ARHGEF7: variants seen among roughly 807,000 people sequenced by gnomAD.
The protein encoded by ARHGEF7 is PAK-interacting exchange factor beta.
In ARHGEF7, 33 loss-of-function variants were observed where a neutral mutation model predicts 109.8. That is an observed-to-expected ratio of 0.30 (90% CI 0.23 to 0.40). The LOEUF (loss-of-function observed/expected upper bound fraction) is 0.40. Among genes scored for constraint, ARHGEF7 ranks in the 10% least tolerant of loss-of-function variants. The pLI, the probability that ARHGEF7 is intolerant of heterozygous loss-of-function variation, is 1.00. For missense variants in ARHGEF7, 938 were observed against 1,098.5 expected, an observed-to-expected ratio of 0.85 and a Z score of 2.07; for synonymous variants, 458 against 424.6, an observed-to-expected ratio of 1.08 and a Z score of -0.97.
At chr13:111,244,482 C>A (rs2088410661) in intron 8 of ARHGEF7, among the ~76,000 whole-genome samples, 188 bp downstream of exon 8, 2 of 152,174 alleles carry the variant, frequency 1.3e-5, no homozygotes, top group South Asian at 4.1e-4. Context: ...TAGCAGGAAT[C>A]TTCAGAGAAA....
chr13:111,203,464 G>C (rs1033481585), intron 2 of ARHGEF7, among the ~76,000 whole-genome samples: 2 of 152,178 alleles, frequency 1.3e-5, no homozygotes, highest in African/African-American at 4.8e-5. Flanking sequence ...CTGTTCTAAG[G>C]ACTGTTTTTT....
chr13:111,153,576 G>T, intron 1 of ARHGEF7: 1 of 1,069,578 alleles, frequency 9.3e-7, no homozygotes, highest in Non-Finnish European at 1.1e-6. Flanking sequence ...GGCTGCGTCC[G>T]CGGGGGCGAA....
At chr13:111,278,548 C>T (rs930623771) in intron 13 of ARHGEF7, among the ~76,000 whole-genome samples, 2 of 152,138 alleles carry the variant, frequency 1.3e-5, no homozygotes, top group Non-Finnish European at 1.5e-5. Context: ...TGTGGCCATA[C>T]GCTTACACCA....
intron 1 of ARHGEF7, among the ~76,000 whole-genome samples, chr13:111,124,670 C>G (rs866810224): frequency 4.3e-4 from 66 of 152,334 alleles, no homozygotes; most frequent in African/African-American, 1.2e-3. Context: ...TGGGATGGGA[C>G]CTTCTAGTCT....
chr13:111,139,921 A>G (rs2075271264), intron 1 of ARHGEF7, among the ~76,000 whole-genome samples: 1 of 152,226 alleles, frequency 6.6e-6, no homozygotes. Flanking sequence ...TGAAACTTTT[A>G]AGGTAAAACT....
At chr13:111,205,843 T>C (rs2081764269) in intron 3 of ARHGEF7, among the ~76,000 whole-genome samples, 1 of 152,186 alleles carries the variant, frequency 6.6e-6, no homozygotes, top group South Asian at 2.1e-4. Context: ...GGCACCCAGG[T>C]ACATGGTGTG....
intron 1 of ARHGEF7, among the ~76,000 whole-genome samples, chr13:111,147,690 CTTTTT>C (rs11463808): frequency 2.4e-5 from 2 of 82,348 alleles, no homozygotes; most frequent in Non-Finnish European, 4.4e-5. Context: ...CAGAGGTCAC[CTTTTT>C]TTTTTTTTTT....
intron 4 of ARHGEF7, 81 bp from the exon 5 acceptor site, chr13:111,217,598 T>C (rs2153488995): frequency 1.5e-6 from 2 of 1,305,570 alleles, no homozygotes; most frequent in Non-Finnish European, 2.2e-6. Context: ...GCTACCTTTG[T>C]ACTAGTAAAG....
At chr13:111,246,555 T>A (rs1369452731) in intron 8 of ARHGEF7, among the ~76,000 whole-genome samples, 2 of 152,226 alleles carry the variant, frequency 1.3e-5, no homozygotes, top group Non-Finnish European at 2.9e-5. Context: ...AGAATATTAT[T>A]AGAAACCGTA....
chr13:111,251,194 G>T (rs569054185), intron 8 of ARHGEF7, among the ~76,000 whole-genome samples: 12 of 152,196 alleles, frequency 7.9e-5, no homozygotes, highest in Non-Finnish European at 1.8e-4. Context: ...AGGGGTTCAT[G>T]ATGGGTAACA....
rs1566606987 is a variant in ARHGEF7, at chr13:111,133,803, ATATAT to A, written c.165+18113_165+18117del. ...TATATATATATATATATATATATAT[ATATAT>A]ATATATTTATTATACTTTAAGTTCT... On this transcript the variant is annotated intron_variant, in intron 1 of 21. Coordinates refer to ENST00000646102, the MANE Select transcript of ARHGEF7 (RefSeq NM_001354046.2). Among the ~76,000 whole-genome samples, 90 of 31,836 alleles carry A rather than the reference ATATAT, an allele frequency of 2.8e-3. 1 individual carries two copies. The highest frequency in any genetic ancestry group is 5.5e-3 in the Non-Finnish European group (76 of 13,750). The allele number at this position is 31,836 out of a possible 152,430, so 20.9% of individuals were successfully genotyped here. A position where few individuals can be genotyped will look rare whatever the true frequency, so the allele number is the denominator to read the frequency against.
At chr13:111,200,029 G>A (rs1045418497) in intron 2 of ARHGEF7, among the ~76,000 whole-genome samples, 1 of 152,136 alleles carries the variant, frequency 6.6e-6, no homozygotes, top group Non-Finnish European at 1.5e-5. Context: ...CTCATGTTAC[G>A]GGTACTTGCT....
chr13:111,223,086 T>C (rs73622142), intron 5 of ARHGEF7, among the ~76,000 whole-genome samples: 3,926 of 152,304 alleles, frequency 0.026, 147 homozygotes, highest in African/African-American at 0.09. Flanking sequence ...AAACATAGTA[T>C]ATATAGGGTT....
chr13:111,154,266 C>G (rs946372246), intron 2 of ARHGEF7, among the ~76,000 whole-genome samples: 1 of 152,192 alleles, frequency 6.6e-6, no homozygotes, highest in Non-Finnish European at 1.5e-5. Context: ...TGGTTCTGGT[C>G]GCTGGTGGTG....
At chr13:111,168,518 C>G (rs2077315102) in intron 2 of ARHGEF7, among the ~76,000 whole-genome samples, 1 of 152,066 alleles carries the variant, frequency 6.6e-6, no homozygotes, top group African/African-American at 2.4e-5. Flanking sequence ...AGGGAAATAC[C>G]AGGGTTTCTG....
In ARHGEF7 at chr13:111,275,609, C is replaced by T. The variant is rs771908591; in HGVS notation, c.1350C>T (p.Gly450=). The change falls in exon 12 of 22, where the codon GGC becomes GGT. Residue 450 remains glycine, a synonymous_variant. Transcript: ENST00000646102. ...CGGAAGCCATCCGGAACTGGGAGGG[C>T]GATGACATTAAAACTCTGGGCAACG... ...ILTEAIRNWE[G]DDIKTLGNVT... The T allele has an allele frequency of 1.8e-5, 29 of 1,613,930 alleles. No homozygotes were observed. The highest frequency in any genetic ancestry group is 6.7e-5 in the Admixed American group (4 of 59,996).
intron 5 of ARHGEF7, among the ~76,000 whole-genome samples, chr13:111,230,128 G>A (rs184745738): frequency 1.2e-3 from 189 of 151,998 alleles, no homozygotes; most frequent in African/African-American, 4.3e-3. Context: ...TCTTTTACAC[G>A]TCTATATTTA....
intron 2 of ARHGEF7, among the ~76,000 whole-genome samples, chr13:111,156,048 A>C (rs2076297744): frequency 6.8e-6 from 1 of 147,692 alleles, no homozygotes; most frequent in Non-Finnish European, 1.5e-5. Flanking sequence ...TTGCCACTGC[A>C]CTCCAGCCTG....
At position 111,131,383 on chromosome 13, in the gene ARHGEF7, G is replaced by C. The variant is rs986020514; in HGVS notation, c.165+15692G>C. 2.0e-5 allele frequency among the ~76,000 whole-genome samples: 3 copies of C among 152,072 alleles called. No individual in the cohort carries two copies. Among genetic ancestry groups the C allele is most frequent in the African/African-American group, 7.2e-5 (3 of 41,394 alleles). On this transcript the variant is annotated intron_variant, in intron 1 of 21. Coordinates refer to ENST00000646102, the MANE Select transcript of ARHGEF7 (RefSeq NM_001354046.2). This position sits in a 1 kb window ranked among gnomAD's most constrained non-coding sequence, Gnocchi z 4.4. The stretch of plus-strand genomic sequence containing the variant: ...CCTGGGCGAGGCTTACCTAGGTTTG[G>C]GGCAAGGAGATCAGGAATGGATTCA...
Sources: gnomAD v4.1 joint callset for allele counts (sites outside exome capture counted in the v4.1 genomes callset) on GRCh38, gnomAD v4.1.1 for gene constraint, Gnocchi (gnomAD v3.1) non-coding constraint, MANE v1.5 for transcripts, NCBI Gene and HGNC (gene_info 2026-07-23, HGNC 2026-07-21) for gene names.